CCNH: variants seen among roughly 807,000 people sequenced by gnomAD.
The protein encoded by CCNH is cyclin-H.
In CCNH, 31 loss-of-function variants were observed where a neutral mutation model predicts 41.9. That is an observed-to-expected ratio of 0.74 (90% CI 0.56 to 1.00). The LOEUF is 1.00. Ranked by LOEUF, CCNH falls within the 50% of genes least tolerant of loss-of-function variation. CCNH has a pLI of 0.00. For synonymous variants in CCNH, 138 were observed against 136.1 expected (o/e 1.01, Z -0.10); for missense variants, 362 against 388.4 (o/e 0.93, Z 0.57).
At chr5:87,387,006 T>G (rs1162904805), downstream of CCNH, 4 of 1,122,582 alleles carry the variant, frequency 3.6e-6, no homozygotes, top group Admixed American at 8.9e-5. Context: ...TATCCAAAAC[T>G]AAAAAGACAA....
At chr5:87,378,123 T>C (rs1181237573), upstream of CCNH, among the ~76,000 whole-genome samples, 2 of 152,232 alleles carry the variant, frequency 1.3e-5, no homozygotes, top group South Asian at 2.1e-4. Flanking sequence ...TCTTAAGTCA[T>C]ATAACAATTC....
chr5:87,344,585 C>T (rs1388993267), intron 9 of CCNH, among the ~76,000 whole-genome samples: 1 of 152,022 alleles, frequency 6.6e-6, no homozygotes, highest in Non-Finnish European at 1.5e-5. Flanking sequence ...TCATAGTTCA[C>T]CTCAAACTCC....
intron 8 of CCNH, 173 bp from the exon 9 acceptor site, chr5:87,394,657 G>C (rs1440700949): frequency 7.1e-7 from 1 of 1,400,924 alleles, no homozygotes; most frequent in Non-Finnish European, 9.3e-7. Flanking sequence ...GGTCTCACCA[G>C]ACTCCTCCAG....
intron 8 of CCNH, 175 bp downstream of exon 8, chr5:87,394,869 G>A: frequency 7.2e-7 from 1 of 1,395,720 alleles, no homozygotes; most frequent in Non-Finnish European, 9.3e-7. Context: ...AGACAGAAGA[G>A]AGAAAAATCC....
intron 9 of CCNH, among the ~76,000 whole-genome samples, chr5:87,331,705 T>A (rs1318104410): frequency 6.6e-6 from 1 of 152,200 alleles, no homozygotes; most frequent in Non-Finnish European, 1.5e-5. Flanking sequence ...TTGTTGGGCA[T>A]TACTGTGCTG....
rs202152269 is a variant in CCNH, at chr5:87,406,637, CA to C, written c.525+1338del. 6.5e-3 allele frequency among the ~76,000 whole-genome samples: 893 copies of C among 137,746 alleles called. 7 individuals carry two copies. The highest frequency in any genetic ancestry group is 0.012 in the East Asian group (58 of 4,800). 90.4% of individuals were successfully genotyped at this position (137,746 alleles called of 152,430 possible). A position where few individuals can be genotyped will look rare whatever the true frequency, so the allele number is the denominator to read the frequency against. On this transcript the variant is annotated intron_variant, in intron 4 of 8. Coordinates refer to ENST00000256897, the MANE Select transcript of CCNH (RefSeq NM_001239.4). The stretch of plus-strand genomic sequence containing the variant: ...AAGCACAATGCAAATATTGCAAAAT[CA>C]AAAAAAAAAAAAGTGTAATCCCAAG...
chr5:87,359,056 C>A (rs1759874504), intron 9 of CCNH, among the ~76,000 whole-genome samples: 1 of 152,148 alleles, frequency 6.6e-6, no homozygotes, highest in African/African-American at 2.4e-5. Context: ...TATTTTTAAT[C>A]TTTCCCTGGT....
chr5:87,331,215 T>G (rs1169233483), intron 9 of CCNH: 1 of 1,056,176 alleles, frequency 9.5e-7, no homozygotes, highest in Non-Finnish European at 1.5e-6. Flanking sequence ...TTGGAATAAC[T>G]GGTTCAGAGT....
chr5:87,383,940 G>A (rs1300726226), intron 9 of CCNH, among the ~76,000 whole-genome samples: 2 of 150,086 alleles, frequency 1.3e-5, no homozygotes, highest in Non-Finnish European at 3.0e-5. Context: ...TTGTGCTTGT[G>A]CTTCTTGGGC....
Position 87,370,559 on chromosome 5 carries a change from G to C in CCNH, c.*90+22211C>G, listed in dbSNP as rs369614297. Reference sequence around the variant, plus strand: ...TGCCTGTAGTCCCAGCCACTGGGTAGAATGAGGCAGGAAGATTGCATTAGC... The same window carrying C: ...TGCCTGTAGTCCCAGCCACTGGGTACAATGAGGCAGGAAGATTGCATTAGC... On this transcript the variant is annotated intron_variant and NMD_transcript_variant, in intron 9 of 9. Coordinates refer to the CCNH transcript ENST00000645953. Among the ~76,000 whole-genome samples the C allele has an allele frequency of 1.3e-4, 20 of 152,336 alleles. No homozygotes were observed. The East Asian group carries it at 1.7e-3, about 13-fold the overall frequency.
At position 87,368,557 on chromosome 5, in the gene CCNH, C is replaced by T. The variant is rs572262130; in HGVS notation, c.*90+24213G>A. ...TTGCGTCCAGAAAGAATTGTTCTTA[C>T]GGATGGTATAGGGTTAGTACATCTT... On this transcript the variant is annotated intron_variant and NMD_transcript_variant, in intron 9 of 9. Transcript: ENST00000645953. 1.2e-3 allele frequency among the ~76,000 whole-genome samples: 179 copies of T among 152,206 alleles called. 2 individuals carry two copies. Among genetic ancestry groups the T allele is most frequent in the African/African-American group, 4.1e-3 (169 of 41,550 alleles).
At position 87,394,308 on chromosome 5, in the gene CCNH, T is replaced by C. The variant is rs542142368; in HGVS notation, c.*138A>G. The C allele has an allele frequency of 1.2e-5, 16 of 1,363,182 alleles. No homozygotes were observed. The East Asian group carries it at 3.8e-4, about 32-fold the overall frequency. 84.4% of individuals were successfully genotyped at this position (1,363,182 alleles called of 1,614,324 possible). Reference sequence around the variant, plus strand: ...GATGGTTTATTTTACATAAAGTTACTGTGAAAGGGAAAGAAAACAATAGAA... The same window carrying C: ...GATGGTTTATTTTACATAAAGTTACCGTGAAAGGGAAAGAAAACAATAGAA... On this transcript the variant is annotated 3_prime_UTR_variant, in exon 9 of 9. Transcript: ENST00000256897.
downstream of CCNH, among the ~76,000 whole-genome samples, chr5:87,375,887 G>A (rs1236452811): frequency 6.6e-6 from 1 of 152,056 alleles, no homozygotes; most frequent in African/African-American, 2.4e-5. Context: ...TTACTTTTAC[G>A]ATAAAATCCA....
chr5:87,351,301 T>C (rs987708417), intron 9 of CCNH, among the ~76,000 whole-genome samples: 8 of 151,718 alleles, frequency 5.3e-5, no homozygotes, highest in Admixed American at 1.3e-4. Context: ...GAAAAAGATA[T>C]AGTTTCTTCT....
chr5:87,312,261 A>G, the CCNH span, among the ~76,000 whole-genome samples: 1 of 152,238 alleles, frequency 6.6e-6, no homozygotes, highest in Non-Finnish European at 1.5e-5. Flanking sequence ...TCAAAGCAAT[A>G]TAGAGCAACA....
intron 9 of CCNH, among the ~76,000 whole-genome samples, chr5:87,354,127 T>C (rs992268465): frequency 6.6e-6 from 1 of 151,876 alleles, no homozygotes; most frequent in Non-Finnish European, 1.5e-5. Flanking sequence ...CTTATTGCAG[T>C]TAATTGGTGG....
downstream of CCNH, among the ~76,000 whole-genome samples, chr5:87,371,336 G>A (rs999925366): frequency 6.6e-6 from 1 of 151,962 alleles, no homozygotes; most frequent in African/African-American, 2.4e-5. Context: ...TATAAAGACA[G>A]TCTCTAGATA....
chr5:87,317,998 AT>A (rs1457740074), downstream of CCNH, among the ~76,000 whole-genome samples: 1 of 151,964 alleles, frequency 6.6e-6, no homozygotes, highest in African/African-American at 2.4e-5. Context: ...CTTTTCAAAT[AT>A]CCCCCCTTTA....
chr5:87,349,648 G>A (rs1479054705), intron 9 of CCNH, among the ~76,000 whole-genome samples: 1 of 151,822 alleles, frequency 6.6e-6, no homozygotes, highest in Non-Finnish European at 1.5e-5. Context: ...TGTGTTATCT[G>A]TAGGAGGAGC....
Sources: allele counts gnomAD v4.1 joint callset (sites outside exome capture counted in the v4.1 genomes callset), GRCh38; gene constraint gnomAD v4.1.1; transcripts MANE v1.5; gene names NCBI Gene and HGNC (gene_info 2026-07-23, HGNC 2026-07-21).